ACBD5: variants seen among roughly 807,000 people sequenced by gnomAD.
ACBD5 encodes the protein acyl-CoA-binding domain-containing protein 5.
In ACBD5, 40 loss-of-function variants were observed where a neutral mutation model predicts 71.8. The observed-to-expected ratio is 0.56, with a 90% CI of 0.43 to 0.72. ACBD5 has a LOEUF of 0.72. Among genes scored for constraint, ACBD5 ranks in the 30% least tolerant of loss-of-function variants. ACBD5 has a pLI of 0.00. For synonymous variants in ACBD5, 229 were observed against 218.6 expected (o/e 1.05, Z -0.42); for missense variants, 559 against 644.5 (o/e 0.87, Z 1.44).
intron 6 of ACBD5, among the ~76,000 whole-genome samples, chr10:27,218,539 G>A (rs907290963): frequency 1.3e-5 from 2 of 151,858 alleles, no homozygotes; most frequent in Non-Finnish European, 2.9e-5. Context: ...TAAAGAAGGC[G>A]CTATTTGTCA....
intron 4 of ACBD5, among the ~76,000 whole-genome samples, chr10:27,228,813 A>ATTTTTTTTT (rs2063453996): frequency 1.3e-4 from 1 of 7,620 alleles, no homozygotes; most frequent in Non-Finnish European, 5.3e-4. Context: ...ATATATATAT[A>ATTTTTTTTT]TATTTTTTTT....
At chr10:27,217,120 T>C (rs1430845492) in intron 7 of ACBD5, among the ~76,000 whole-genome samples, 1 of 116,624 alleles carries the variant, frequency 8.6e-6, no homozygotes, top group African/African-American at 3.4e-5. Context: ...CACTCCACCC[T>C]GGGCGACAGA....
upstream of ACBD5, chr10:27,242,040 C>T (rs1163552686): frequency 2.2e-6 from 1 of 453,784 alleles, no homozygotes; most frequent in Admixed American, 2.3e-5. Flanking sequence ...TCCCTCTGAG[C>T]CGCGGCGCCG....
chr10:27,220,907 A>C (rs901393957), intron 5 of ACBD5, among the ~76,000 whole-genome samples: 2 of 152,258 alleles, frequency 1.3e-5, no homozygotes, highest in Admixed American at 6.5e-5. Context: ...GCAAGACTGC[A>C]AACTGTTTTG....
At chr10:27,212,942 G>C (rs2061261251) in intron 8 of ACBD5, among the ~76,000 whole-genome samples, 1 of 152,122 alleles carries the variant, frequency 6.6e-6, no homozygotes, top group South Asian at 2.1e-4. Flanking sequence ...ATTGCATTAT[G>C]AAATGAGAAA....
At chr10:27,241,873 C>G (rs753298976), upstream of ACBD5, among the ~76,000 whole-genome samples, 1 of 152,050 alleles carries the variant, frequency 6.6e-6, no homozygotes, top group South Asian at 2.1e-4. Flanking sequence ...TGCCCCAGGC[C>G]GAACGTTGGT....
intron 10 of ACBD5, among the ~76,000 whole-genome samples, chr10:27,206,022 C>T (rs2060435110): frequency 6.6e-6 from 1 of 152,048 alleles, no homozygotes; most frequent in Non-Finnish European, 1.5e-5. Context: ...ATCACCCTGC[C>T]TCAGCCTTCT....
chr10:27,194,659 A>G (rs1014498860), downstream of ACBD5, among the ~76,000 whole-genome samples: 19 of 137,108 alleles, frequency 1.4e-4, no homozygotes, highest in Non-Finnish European at 1.9e-4. Flanking sequence ...AAGATGGTTG[A>G]TTAGGGTTCA....
chr10:27,189,315 C>T lies in ACBD5; in HGVS notation c.1494-6600G>A, dbSNP rs532282925. ...ATGCTGGGATTACAGGCGTGAGCCA[C>T]CCGGCCAGCTATATACAGTTTGTAT... On this transcript the variant is annotated intron_variant, in intron 13 of 13. Coordinates refer to the ACBD5 transcript ENST00000676511. 2.0e-5 allele frequency among the ~76,000 whole-genome samples: 3 copies of T among 152,308 alleles called. No individual in the cohort carries two copies. In the East Asian group the frequency reaches 5.8e-4, roughly 29 times the overall value.
rs753174772 is a variant in ACBD5 at position 27,231,784 on chromosome 10, C to T, written c.339G>A (p.Glu113=). The T allele has an allele frequency of 4.3e-6, 7 of 1,613,672 alleles. No individual in the cohort carries two copies. Among genetic ancestry groups the T allele is most frequent in the Non-Finnish European group, 5.9e-6 (7 of 1,179,976 alleles). ...CTTCAACATATGCAATCATGGCTTC[C>T]TCTTTGGTCATATCACCCAGTGAAC... ...AWSSLGDMTK[E]EAMIAYVEEM... Residue 113 remains glutamate (E), a synonymous_variant, in exon 4 of 13, where the codon GAG becomes GAA. Transcript: ENST00000396271.
intron 13 of ACBD5, among the ~76,000 whole-genome samples, chr10:27,188,999 C>T (rs1455389685): frequency 3.3e-5 from 5 of 152,342 alleles, no homozygotes; most frequent in South Asian, 2.1e-4. Context: ...CTGAGGAAAG[C>T]TCTCGCCATC....
chr10:27,186,851 TTC>T (rs2058789360), intron 13 of ACBD5: 1 of 343,592 alleles, frequency 2.9e-6, no homozygotes, highest in African/African-American at 2.1e-5. Context: ...TAGCTTGATT[TTC>T]TTTCTCCTCT....
chr10:27,241,348 G>C (rs1369740268), upstream of ACBD5, among the ~76,000 whole-genome samples: 1 of 152,204 alleles, frequency 6.6e-6, no homozygotes, highest in African/African-American at 2.4e-5. Context: ...AGGGTAGATG[G>C]AGAAAAGCAT....
chr10:27,191,756 G>C (rs1406911943), downstream of ACBD5, among the ~76,000 whole-genome samples: 1 of 152,074 alleles, frequency 6.6e-6, no homozygotes, highest in African/African-American at 2.4e-5. Flanking sequence ...GTGTGGTGGT[G>C]GGTGCTAATG....
Position 27,215,642 on chromosome 10 carries a change from C to T in ACBD5, c.830-1G>A. Reference sequence around the variant, plus strand: ...TCTTCAACATGATCATCATTTATATCTAAATATGAACAAAAGTGCAGATAG... The same window carrying T: ...TCTTCAACATGATCATCATTTATATTTAAATATGAACAAAAGTGCAGATAG... On this transcript the variant is annotated splice_acceptor_variant, in intron 7 of 12. Transcript: ENST00000396271. LOFTEE classifies it high-confidence loss of function. 1.2e-6 allele frequency: 2 copies of T among 1,600,510 alleles called. No individual in the cohort carries two copies. Among genetic ancestry groups the T allele is most frequent in the Non-Finnish European group, 1.7e-6 (2 of 1,168,574 alleles).
chr10:27,224,347 C>T lies in ACBD5; in HGVS notation c.376-895G>A, dbSNP rs556299147. ...AGCCATGATCACACCACACTGCACT[C>T]CAGCCTAGGCAACAGAGCGAGATCT... On this transcript the variant is annotated intron_variant, in intron 4 of 12. Coordinates refer to ENST00000396271, the MANE Select transcript of ACBD5 (RefSeq NM_145698.5). Among the ~76,000 whole-genome samples, 3 of 152,200 alleles carry T rather than the reference C, an allele frequency of 2.0e-5. No homozygotes were observed. In the South Asian group the frequency reaches 6.2e-4, roughly 32 times the overall value.
chr10:27,215,578 C>T lies in ACBD5; in HGVS notation c.893G>A (p.Ser298Asn). 6.2e-7 allele frequency: 1 copy of T among 1,613,636 alleles called. No individual in the cohort carries two copies. The highest frequency in any genetic ancestry group is 8.5e-7 in the Non-Finnish European group (1 of 1,179,786). Residue 298 changes from serine to asparagine, a missense_variant, in exon 8 of 13, where the codon AGT becomes AAT. Transcript: ENST00000396271. ...GIQHLTSDSD[S>N]EVYCDSMEQF... ...TTCCATAGAATCACAGTAAACTTCA[C>T]TGTCTGAATCGCTTGTCAAATGCTG...
In ACBD5 at chr10:27,196,204, A is replaced by C. The variant is rs1393698245; in HGVS notation, c.*1226T>G. 4.4e-6 allele frequency: 2 copies of C among 453,972 alleles called. No individual in the cohort carries two copies. The highest frequency in any genetic ancestry group is 3.1e-5 in the South Asian group (2 of 64,364). The allele number at this position is 453,972 out of a possible 1,614,324, so 28.1% of individuals were successfully genotyped here. On this transcript the variant is annotated 3_prime_UTR_variant, in exon 13 of 13. Transcript: ENST00000396271. ...AACAAGAGAGAAACTCCATTTAAAA[A>C]AAAAAATTATTTGTTACAAAGACTG...
At chr10:27,205,109 A>T in intron 11 of ACBD5, 89 bp downstream of exon 11, 6 of 1,306,460 alleles carry the variant, frequency 4.6e-6, no homozygotes, top group Non-Finnish European at 6.5e-6. Flanking sequence ...CCTGGGCAAC[A>T]GAGCGAGACT....
Sources: gnomAD v4.1 joint callset for allele counts (sites outside exome capture counted in the v4.1 genomes callset) on GRCh38, gnomAD v4.1.1 for gene constraint, MANE v1.5 for transcripts, NCBI Gene and HGNC (gene_info 2026-07-23, HGNC 2026-07-21) for gene names.